RALGPS2: variants seen among roughly 807,000 people sequenced by gnomAD.
RALGPS2 encodes the protein ras-specific guanine nucleotide-releasing factor RalGPS2.
Under a neutral mutation model 86.8 loss-of-function variants are expected in RALGPS2, and 43 were observed. The ratio of observed to expected loss-of-function variants is 0.50; its 90% CI spans 0.39 to 0.64. The LOEUF is 0.64. RALGPS2 is among the 30% of genes least tolerant of loss of function. RALGPS2 has a pLI of 0.00. For synonymous variants in RALGPS2, 243 were observed against 231.3 expected (o/e 1.05, Z -0.46); for missense variants, 536 against 694.6 (o/e 0.77, Z 2.57).
intron 1 of RALGPS2, among the ~76,000 whole-genome samples, chr1:178,749,036 C>T (rs914314074): frequency 1.3e-5 from 2 of 152,060 alleles, no homozygotes; most frequent in East Asian, 3.8e-4. Flanking sequence ...CGGAGTCTTG[C>T]TGTGTTGCCT....
Position 178,910,035 on chromosome 1 carries a change from A to G in RALGPS2, c.1722+3168A>G, listed in dbSNP as rs188922958. ...TCTTTTTGTGGCTATTGTAAATGGAATTGTGTTCTTGATTTGGCTCTCAGT... is the reference window on the plus strand; with the variant it reads ...TCTTTTTGTGGCTATTGTAAATGGAGTTGTGTTCTTGATTTGGCTCTCAGT... On this transcript the variant is annotated intron_variant, in intron 19 of 19. Coordinates refer to ENST00000367635, the MANE Select transcript of RALGPS2 (RefSeq NM_152663.5). Among the ~76,000 whole-genome samples the G allele has an allele frequency of 7.0e-3, 1,063 of 152,144 alleles. 9 individuals carry two copies. The highest frequency in any genetic ancestry group is 0.024 in the African/African-American group (983 of 41,514).
intron 18 of RALGPS2, among the ~76,000 whole-genome samples, chr1:178,904,576 C>T (rs1315367933): frequency 6.6e-6 from 1 of 152,176 alleles, no homozygotes; most frequent in Non-Finnish European, 1.5e-5. Context: ...TGCGGCTAGC[C>T]AATTATCCCA....
intron 1 of RALGPS2, among the ~76,000 whole-genome samples, chr1:178,729,122 A>G (rs1248933260): frequency 6.6e-6 from 1 of 152,096 alleles, no homozygotes; most frequent in Non-Finnish European, 1.5e-5. Context: ...AATTTAATTG[A>G]TAGTTTTCTG....
At chr1:178,783,613 C>G (rs571163042) in intron 2 of RALGPS2, among the ~76,000 whole-genome samples, 1 of 152,196 alleles carries the variant, frequency 6.6e-6, no homozygotes, top group South Asian at 2.1e-4. Flanking sequence ...GTGGGTTGAT[C>G]TGTGTGTACT....
At chr1:178,804,220 T>C (rs2102180926) in intron 4 of RALGPS2, among the ~76,000 whole-genome samples, 1 of 151,128 alleles carries the variant, frequency 6.6e-6, no homozygotes, top group South Asian at 2.1e-4. Context: ...ATCCTGGAGC[T>C]CCACTCCCAC....
chr1:178,763,857 G>C (rs1652368677), intron 1 of RALGPS2, among the ~76,000 whole-genome samples: 1 of 151,474 alleles, frequency 6.6e-6, no homozygotes. Flanking sequence ...GTATGAGAGT[G>C]TGCTTTGTAT....
chr1:178,797,175 T>A (rs75235971), intron 4 of RALGPS2, among the ~76,000 whole-genome samples: 4,609 of 152,292 alleles, frequency 0.03, 229 homozygotes, highest in African/African-American at 0.1. Context: ...ATAGACTAAT[T>A]CTTGACCAGG....
chr1:178,838,721 A>G (rs1656416621), intron 8 of RALGPS2, among the ~76,000 whole-genome samples: 1 of 152,202 alleles, frequency 6.6e-6, no homozygotes, highest in Non-Finnish European at 1.5e-5. Context: ...TCTCCGAGCT[A>G]AAGGAGGAAG....
In RALGPS2 at chr1:178,865,048, T is replaced by C. The variant is rs147696402; in HGVS notation, c.608-12450T>C. Reference sequence around the variant, plus strand: ...GTGGCATTAAATCTCTGGGATAACCTGGATCCCTCTGAATCTCGTTACCTC... The same window carrying C: ...GTGGCATTAAATCTCTGGGATAACCCGGATCCCTCTGAATCTCGTTACCTC... On this transcript the variant is annotated intron_variant, in intron 8 of 19. Coordinates refer to ENST00000367635, the MANE Select transcript of RALGPS2 (RefSeq NM_152663.5). 127 of 1,508,668 alleles carry C rather than the reference T, an allele frequency of 8.4e-5. No homozygotes were observed. The African/African-American group carries it at 1.6e-3, about 20-fold the overall frequency. 93.5% of individuals were successfully genotyped at this position (1,508,668 alleles called of 1,614,324 possible).
intron 6 of RALGPS2, among the ~76,000 whole-genome samples, chr1:178,820,901 A>G (rs1655467582): frequency 6.6e-6 from 1 of 152,192 alleles, no homozygotes; most frequent in South Asian, 2.1e-4. Flanking sequence ...ACCTGGCTGT[A>G]GGATTAGGAC....
chr1:178,781,092 CA>C (rs1653371861), intron 2 of RALGPS2, among the ~76,000 whole-genome samples: 1 of 151,782 alleles, frequency 6.6e-6, no homozygotes, highest in African/African-American at 2.4e-5. Flanking sequence ...AAGCAGAATA[CA>C]AATATTTGTT....
chr1:178,782,341 C>A (rs1653434286), intron 2 of RALGPS2, among the ~76,000 whole-genome samples: 1 of 152,112 alleles, frequency 6.6e-6, no homozygotes, highest in Admixed American at 6.5e-5. Flanking sequence ...GAGAAAAATT[C>A]ACTTCTGCTT....
chr1:178,725,569 C>A, intron 1 of RALGPS2, 150 bp downstream of exon 1: 1 of 151,702 alleles, frequency 6.6e-6, no homozygotes, highest in South Asian at 2.0e-4. Flanking sequence ...TCGCCCTGCG[C>A]GCAGGGAGGG....
rs115273843 is a variant in RALGPS2, at chr1:178,877,541, A to G, written c.651A>G (p.Pro217=). The G allele has an allele frequency of 6.2e-4, 995 of 1,613,588 alleles. 11 individuals carry two copies. The African/African-American group carries it at 0.011, about 18-fold the overall frequency. ...TAACATACATCGATTCAGCATACCC[A>G]TCAACTGGCAGCATTCTAGAAAATG... The part of the protein sequence containing the change: ...SDLTYIDSAY[P]STGSILENEQ... The change falls in exon 9 of 20, where the codon CCA becomes CCG. Residue 217 remains proline (P), a synonymous_variant. Coordinates refer to ENST00000367635, the MANE Select transcript of RALGPS2 (RefSeq NM_152663.5).
At chr1:178,748,515 C>T (rs1367130241) in intron 1 of RALGPS2, among the ~76,000 whole-genome samples, 1 of 152,068 alleles carries the variant, frequency 6.6e-6, no homozygotes, top group Admixed American at 6.6e-5. Context: ...TTGATAGTCA[C>T]AACAACAGGG....
At chr1:178,867,012 T>C (rs1193940703) in intron 8 of RALGPS2, among the ~76,000 whole-genome samples, 2 of 152,112 alleles carry the variant, frequency 1.3e-5, no homozygotes, top group Non-Finnish European at 2.9e-5. Flanking sequence ...TTTTCACTCT[T>C]GCGAACTTCA....
rs200410341 is a variant in RALGPS2, at chr1:178,788,829, TTTTC to T, written c.213+3238_213+3241del. Reference sequence around the variant, plus strand: ...CTTTCTTTTCTTTTCTTTTCTTTTGTTTTCTTTCTTTCTTTCTTTTCTTTTCTTT... The same window carrying T: ...CTTTCTTTTCTTTTCTTTTCTTTTGTTTTCTTTCTTTCTTTTCTTTTCTTT... On this transcript the variant is annotated intron_variant, in intron 4 of 19. Transcript: ENST00000367635. Among the ~76,000 whole-genome samples, 843 of 141,476 alleles carry T rather than the reference TTTTC, an allele frequency of 6.0e-3. 7 individuals carry two copies. The highest frequency in any genetic ancestry group is 7.8e-3 in the Non-Finnish European group (515 of 65,712). The allele number at this position is 141,476 out of a possible 152,430, so 92.8% of individuals were successfully genotyped here.
At chr1:178,892,414 T>C (rs1342295490) in intron 15 of RALGPS2, 107 bp downstream of exon 15, 3 of 871,402 alleles carry the variant, frequency 3.4e-6, no homozygotes, top group Non-Finnish European at 5.3e-6. Context: ...AACTAATTGA[T>C]TTAAAAACTA....
Position 178,831,748 on chromosome 1 carries a change from G to A in RALGPS2, c.481-1676G>A, listed in dbSNP as rs143273193. On this transcript the variant is annotated intron_variant, in intron 7 of 19. Coordinates refer to ENST00000367635, the MANE Select transcript of RALGPS2 (RefSeq NM_152663.5). ...GAAAGAAAAGGCTTCTCAGTTAATA[G>A]AGCTTCTGAGCTATCATTCAGGAAA... Among the ~76,000 whole-genome samples the A allele has an allele frequency of 3.7e-3, 556 of 151,092 alleles. 5 individuals carry two copies. Among genetic ancestry groups the A allele is most frequent in the African/African-American group, 0.012 (503 of 41,170 alleles).
Sources: allele counts gnomAD v4.1 joint callset (sites outside exome capture counted in the v4.1 genomes callset), GRCh38; gene constraint gnomAD v4.1.1; transcripts MANE v1.5; gene names NCBI Gene and HGNC (gene_info 2026-07-23, HGNC 2026-07-21).